Variants in ADAMTS3 observed in about 807,000 individuals in gnomAD.
The protein encoded by ADAMTS3 is A disintegrin and metalloproteinase with thrombospondin motifs 3.
ADAMTS3 carries 73 observed loss-of-function variants against 129.0 expected under a neutral mutation model. The ratio of observed to expected loss-of-function variants is 0.57; its 90% CI spans 0.47 to 0.69. The LOEUF is 0.69. ADAMTS3 is among the 30% of genes least tolerant of loss of function. ADAMTS3 has a pLI of 0.00. For missense variants in ADAMTS3, 1,457 were observed against 1,514.5 expected, an observed-to-expected ratio of 0.96 and a Z score of 0.63; for synonymous variants, 477 against 510.8, an observed-to-expected ratio of 0.93 and a Z score of 0.89.
chr4:72,411,118 T>A (rs138293463), intron 4 of ADAMTS3, among the ~76,000 whole-genome samples: 1 of 152,152 alleles, frequency 6.6e-6, no homozygotes. Flanking sequence ...CAACTCTTCA[T>A]ATGTTTCACA....
intron 2 of ADAMTS3, among the ~76,000 whole-genome samples, chr4:72,560,401 C>T (rs1184322842): frequency 1.3e-5 from 2 of 152,044 alleles, no homozygotes; most frequent in Non-Finnish European, 2.9e-5. Flanking sequence ...TTCATTGCAG[C>T]ACTATTCACA....
chr4:72,555,708 C>A (rs1239601781), intron 2 of ADAMTS3, among the ~76,000 whole-genome samples: 1 of 151,730 alleles, frequency 6.6e-6, no homozygotes, highest in Non-Finnish European at 1.5e-5. Flanking sequence ...TGTGTCCCCA[C>A]TGAAATCTCA....
intron 3 of ADAMTS3, among the ~76,000 whole-genome samples, chr4:72,537,818 T>G (rs2109773155): frequency 6.6e-6 from 1 of 152,212 alleles, no homozygotes; most frequent in South Asian, 2.1e-4. Context: ...AGTGGCAGTA[T>G]TAGCAGATCT....
At chr4:72,519,270 A>AT (rs1578755891) in intron 3 of ADAMTS3, among the ~76,000 whole-genome samples, 1 of 151,962 alleles carries the variant, frequency 6.6e-6, no homozygotes, top group East Asian at 1.9e-4. Flanking sequence ...TGCCCTTAAC[A>AT]TTTTTTCCTT....
At chr4:72,375,287 C>T (rs1721108164) in intron 4 of ADAMTS3, among the ~76,000 whole-genome samples, 1 of 152,098 alleles carries the variant, frequency 6.6e-6, no homozygotes, top group Non-Finnish European at 1.5e-5. Flanking sequence ...AAGGAATTGC[C>T]CCCAGGCCGC....
At chr4:72,542,259 G>T (rs944845710) in intron 3 of ADAMTS3, among the ~76,000 whole-genome samples, 1 of 152,154 alleles carries the variant, frequency 6.6e-6, no homozygotes, top group African/African-American at 2.4e-5. Flanking sequence ...CCATCTCCCA[G>T]GTTTATGCCA....
At chr4:72,498,430 G>A (rs1436655704) in intron 3 of ADAMTS3, among the ~76,000 whole-genome samples, 1 of 151,818 alleles carries the variant, frequency 6.6e-6, no homozygotes, top group African/African-American at 2.4e-5. Flanking sequence ...TACTAGAAAA[G>A]CCTGTAAAAA....
At position 72,291,041 on chromosome 4, in the gene ADAMTS3, T is replaced by C. The variant is rs1173903510; in HGVS notation, c.2745A>G (p.Glu915=). 3 of 1,613,964 alleles carry C rather than the reference T, an allele frequency of 1.9e-6. No individual in the cohort carries two copies. Among genetic ancestry groups the C allele is most frequent in the Non-Finnish European group, 2.5e-6 (3 of 1,179,910 alleles). Residue 915 remains glutamate (E), a synonymous_variant, in exon 20 of 22, where the codon GAA becomes GAG. Transcript: ENST00000286657. ...AACTTCCACAGGTTTTGGTGCAGTG[T>C]TCCCATTCTTCTGCTACCCAGCTGT... ...THPLWVAEEW[E]HCTKTCGSSG...
chr4:72,313,729 G>C lies in ADAMTS3; in HGVS notation c.1693C>G (p.Arg565Gly). 1 of 1,613,766 alleles carries C rather than the reference G, an allele frequency of 6.2e-7. No homozygotes were observed. The highest frequency in any genetic ancestry group is 8.5e-7 in the Non-Finnish European group (1 of 1,179,858). Residue 565 changes from arginine to glycine, a missense_variant, in exon 12 of 22, where the codon CGG (arginine) becomes GGG (glycine). Physicochemically the swap from Arg to Gly is moderately radical, Grantham distance 125. Transcript: ENST00000286657. ...AAACGAACACCAGTTCCACATGTCC[G>C]AGAACAGGAGCCAAATTTAGTCCAT... ...GSWTKFGSCS[R>G]TCGTGVRFRT...
intron 3 of ADAMTS3, among the ~76,000 whole-genome samples, chr4:72,463,549 T>A (rs1215308125): frequency 6.6e-6 from 1 of 151,856 alleles, no homozygotes; most frequent in East Asian, 1.9e-4. Context: ...TTTCCACAGC[T>A]CCTCCAATTT....
intron 5 of ADAMTS3, among the ~76,000 whole-genome samples, chr4:72,338,243 T>C (rs1720040153): frequency 6.6e-6 from 1 of 152,098 alleles, no homozygotes; most frequent in South Asian, 2.1e-4. Context: ...AAAAAGTTAA[T>C]AGTCAAAAGG....
intron 3 of ADAMTS3, among the ~76,000 whole-genome samples, chr4:72,483,377 A>G (rs953380343): frequency 6.6e-6 from 1 of 152,228 alleles, no homozygotes; most frequent in Non-Finnish European, 1.5e-5. Context: ...TAAAAGCTCT[A>G]TAGCTAAACT....
At chr4:72,371,441 GTAAA>G (rs4019787) in intron 4 of ADAMTS3, among the ~76,000 whole-genome samples, 2,126 of 148,732 alleles carry the variant, frequency 0.014, 20 homozygotes, top group South Asian at 0.021. Context: ...GACACTAAAA[GTAAA>G]TAAATAAATA....
At chr4:72,329,713 C>G (rs1467453618) in intron 5 of ADAMTS3, among the ~76,000 whole-genome samples, 6 of 151,230 alleles carry the variant, frequency 4.0e-5, no homozygotes, top group Admixed American at 1.3e-4. Context: ...CTAGGAATTA[C>G]TTTTCTTCTC....
chr4:72,486,985 A>G (rs1317626752), intron 3 of ADAMTS3, among the ~76,000 whole-genome samples: 1 of 152,190 alleles, frequency 6.6e-6, no homozygotes, highest in East Asian at 1.9e-4. Flanking sequence ...TCTGAATTTA[A>G]TAACTTATTT....
intron 4 of ADAMTS3, among the ~76,000 whole-genome samples, chr4:72,369,363 C>A (rs1720947173): frequency 6.6e-6 from 1 of 151,848 alleles, no homozygotes; most frequent in South Asian, 2.1e-4. Context: ...ACACTTGCTG[C>A]CAACTATGGT....
chr4:72,382,470 AT>A (rs1437570924), intron 4 of ADAMTS3, among the ~76,000 whole-genome samples: 1 of 152,142 alleles, frequency 6.6e-6, no homozygotes. Flanking sequence ...GGAAGACAGT[AT>A]AGAGATTTCT....
intron 3 of ADAMTS3, among the ~76,000 whole-genome samples, chr4:72,531,530 T>G (rs1033981791): frequency 6.6e-6 from 1 of 151,968 alleles, no homozygotes; most frequent in Non-Finnish European, 1.5e-5. Flanking sequence ...AGGAGAGGGT[T>G]GGGTAAAGCA....
At chr4:72,540,645 G>A (rs555650868) in intron 3 of ADAMTS3, among the ~76,000 whole-genome samples, 11 of 152,278 alleles carry the variant, frequency 7.2e-5, no homozygotes, top group East Asian at 1.9e-4. Context: ...CAGGCCCAGC[G>A]TTGTCATGCT....
Sources: allele counts gnomAD v4.1 joint callset (sites outside exome capture counted in the v4.1 genomes callset), GRCh38; gene constraint gnomAD v4.1.1; transcripts MANE v1.5; gene names NCBI Gene and HGNC (gene_info 2026-07-23, HGNC 2026-07-21).